Variants in HECW2 observed in about 807,000 individuals in gnomAD.
HECW2 encodes the protein E3 ubiquitin-protein ligase HECW2.
In HECW2, 61 loss-of-function variants were observed where a neutral mutation model predicts 175.2. That is an observed-to-expected ratio of 0.35 (90% CI 0.28 to 0.43). The LOEUF (loss-of-function observed/expected upper bound fraction) is 0.43. Ranked by LOEUF, HECW2 falls within the 20% of genes least tolerant of loss-of-function variation. The pLI is 1.00. For missense variants in HECW2, 1,524 were observed against 2,000.5 expected, an observed-to-expected ratio of 0.76 and a Z score of 4.54; for synonymous variants, 671 against 731.0, an observed-to-expected ratio of 0.92 and a Z score of 1.32.
chr2:196,307,489 T>A (rs1313023720), intron 11 of HECW2, among the ~76,000 whole-genome samples: 3 of 151,946 alleles, frequency 2.0e-5, no homozygotes, highest in African/African-American at 7.3e-5. Context: ...TAAAGAAAAG[T>A]AAATTCCTAT....
At chr2:196,511,183 C>T (rs1687941486) in intron 1 of HECW2, among the ~76,000 whole-genome samples, 2 of 152,112 alleles carry the variant, frequency 1.3e-5, no homozygotes, top group Admixed American at 6.5e-5. Context: ...CCAGGCCAGG[C>T]TGGTAAAAGT....
intron 2 of HECW2, among the ~76,000 whole-genome samples, chr2:196,367,109 ACT>A (rs1693764818): frequency 6.6e-6 from 1 of 152,144 alleles, no homozygotes; most frequent in African/African-American, 2.4e-5. Context: ...ACATTCAGAG[ACT>A]CTAACATATT....
intron 1 of HECW2, among the ~76,000 whole-genome samples, chr2:196,505,590 G>A (rs189307233): frequency 2.3e-4 from 35 of 152,038 alleles, no homozygotes; most frequent in Non-Finnish European, 3.7e-4. Context: ...TTACTAAACC[G>A]AAAGATGATA....
chr2:196,273,049 A>ATTTTT lies in HECW2; in HGVS notation c.3238+967_3238+971dup, dbSNP rs778348590. On this transcript the variant is annotated intron_variant, in intron 16 of 28. Transcript: ENST00000644978. ...CAAAGATAAATGGAGAGCTGGTCTAATTTTTTTTTTTTTTTTTTTTTTTTT... is the reference window on the plus strand; with the variant it reads ...CAAAGATAAATGGAGAGCTGGTCTAATTTTTTTTTTTTTTTTTTTTTTTTTTTTTT... Among the ~76,000 whole-genome samples, 7 of 113,140 alleles carry ATTTTT rather than the reference A, an allele frequency of 6.2e-5. 1 individual carries two copies. The highest frequency in any genetic ancestry group is 2.8e-4 in the South Asian group (1 of 3,590). The allele number at this position is 113,140 out of a possible 152,430, so 74.2% of individuals were successfully genotyped here.
chr2:196,523,388 G>A (rs1333115922), intron 1 of HECW2, among the ~76,000 whole-genome samples: 1 of 151,928 alleles, frequency 6.6e-6, no homozygotes, highest in Non-Finnish European at 1.5e-5. Flanking sequence ...GAGACAATGG[G>A]GTTTTCTAGA....
At chr2:196,209,756 TC>T (rs1687196305) in intron 28 of HECW2, among the ~76,000 whole-genome samples, 1 of 142,258 alleles carries the variant, frequency 7.0e-6, no homozygotes, top group African/African-American at 2.7e-5. Context: ...GGTTTTTCTT[TC>T]TTTCTTTCTT....
At chr2:196,380,296 T>C (rs1285329181) in intron 2 of HECW2, among the ~76,000 whole-genome samples, 3 of 152,224 alleles carry the variant, frequency 2.0e-5, no homozygotes, top group Non-Finnish European at 4.4e-5. Context: ...CCTTAACTTT[T>C]ACTTCCTGCT....
intron 10 of HECW2, chr2:196,316,906 T>C (rs1691719449): frequency 5.1e-6 from 1 of 196,146 alleles, no homozygotes; most frequent in Non-Finnish European, 1.1e-5. Flanking sequence ...TTACATAGAG[T>C]GAGGTTTTTC....
chr2:196,563,598 T>C, intron 1 of HECW2, among the ~76,000 whole-genome samples: 1 of 151,966 alleles, frequency 6.6e-6, no homozygotes, highest in East Asian at 1.9e-4. Context: ...ACAAAATTCA[T>C]TCCTGAATGC....
intron 1 of HECW2, among the ~76,000 whole-genome samples, chr2:196,469,917 C>A (rs1697126848): frequency 6.6e-6 from 1 of 150,828 alleles, no homozygotes; most frequent in African/African-American, 2.4e-5. Flanking sequence ...TACAATGAAT[C>A]CAAAAAAAAT....
At chr2:196,565,545 G>C (rs1350294097) in intron 1 of HECW2, among the ~76,000 whole-genome samples, 4 of 152,146 alleles carry the variant, frequency 2.6e-5, no homozygotes, top group African/African-American at 9.7e-5. Flanking sequence ...AGTGGATACA[G>C]ACTGCTTTAA....
chr2:196,294,286 GT>G (rs1481652134), intron 13 of HECW2, among the ~76,000 whole-genome samples: 2 of 152,172 alleles, frequency 1.3e-5, no homozygotes, highest in Admixed American at 1.3e-4. Flanking sequence ...TATGGCAGCT[GT>G]TTCCTTGAAT....
chr2:196,507,290 T>A (rs1687800618), intron 1 of HECW2, among the ~76,000 whole-genome samples: 1 of 152,152 alleles, frequency 6.6e-6, no homozygotes, highest in African/African-American at 2.4e-5. Context: ...TTCATTACCT[T>A]TTTTGAGGTA....
chr2:196,390,659 CTTG>C (rs1694479692), intron 2 of HECW2, among the ~76,000 whole-genome samples: 1 of 151,942 alleles, frequency 6.6e-6, no homozygotes, highest in African/African-American at 2.4e-5. Context: ...CATCTATAAC[CTTG>C]TTGTTTTTTA....
chr2:196,210,933 A>T (rs1370299044), intron 28 of HECW2, among the ~76,000 whole-genome samples: 1 of 151,498 alleles, frequency 6.6e-6, no homozygotes, highest in African/African-American at 2.4e-5. Flanking sequence ...CAAAAAGCAG[A>T]ATTTTAAAAA....
chr2:196,265,392 CAAG>C (rs1412845913), intron 17 of HECW2, among the ~76,000 whole-genome samples: 2 of 151,994 alleles, frequency 1.3e-5, no homozygotes, highest in East Asian at 3.9e-4. Flanking sequence ...GGCTGAGGTA[CAAG>C]AATTGCTTGA....
intron 1 of HECW2, among the ~76,000 whole-genome samples, chr2:196,442,249 T>C (rs1486526617): frequency 6.6e-6 from 1 of 152,126 alleles, no homozygotes; most frequent in African/African-American, 2.4e-5. Flanking sequence ...TACCAAAAAA[T>C]TGAATCAATA....
At chr2:196,258,407 C>T (rs978095235) in intron 17 of HECW2, among the ~76,000 whole-genome samples, 2 of 152,074 alleles carry the variant, frequency 1.3e-5, no homozygotes, top group Non-Finnish European at 2.9e-5. Context: ...AGTGTAAAAG[C>T]ATATGTATAT....
chr2:196,506,882 C>A (rs1196328246), intron 1 of HECW2, among the ~76,000 whole-genome samples: 1 of 152,066 alleles, frequency 6.6e-6, no homozygotes, highest in African/African-American at 2.4e-5. Context: ...ACAGGCCAAG[C>A]TGACTTATGA....
Sources: gnomAD v4.1 joint callset for allele counts (sites outside exome capture counted in the v4.1 genomes callset) on GRCh38, gnomAD v4.1.1 for gene constraint, MANE v1.5 for transcripts, NCBI Gene and HGNC (gene_info 2026-07-23, HGNC 2026-07-21) for gene names.